The following ADD1 variants were observed in gnomAD, a reference collection of about 807,000 sequenced individuals.
ADD1 encodes the protein adducin 1.
ADD1 carries 24 observed loss-of-function variants against 80.5 expected under a neutral mutation model. That is an observed-to-expected ratio of 0.30 (90% CI 0.22 to 0.42). The LOEUF (loss-of-function observed/expected upper bound fraction) is 0.42. Ranked by LOEUF, ADD1 falls within the 10% of genes least tolerant of loss-of-function variation. The probability of loss-of-function intolerance (pLI) is 1.00; values close to 1 mark genes in which losing one functional copy is unlikely to be tolerated. For synonymous variants in ADD1, 373 were observed against 393.8 expected, an observed-to-expected ratio of 0.95 and a Z score of 0.63; for missense variants, 948 against 1,019.0, an observed-to-expected ratio of 0.93 and a Z score of 0.95.
rs938717267 is a variant in ADD1, at chr4:2,908,463, G to A, written c.1609-52G>A. 4.7e-5 allele frequency: 72 copies of A among 1,534,488 alleles called. 1 individual carries two copies. In the South Asian group the frequency reaches 7.8e-4, roughly 17 times the overall value. On this transcript the variant is annotated intron_variant, in intron 11 of 15. Transcript: ENST00000683351. ...AGTGCACAAGCAGCAGGGCTCCCAG[G>A]CAGCATGGCTGCTCAGGACTGTTGA...
At chr4:2,919,927 T>C (rs1739718806) in intron 14 of ADD1, among the ~76,000 whole-genome samples, 1 of 152,208 alleles carries the variant, frequency 6.6e-6, no homozygotes, top group African/African-American at 2.4e-5. Flanking sequence ...TTAATTATGA[T>C]GTTAGGATGT....
At chr4:2,886,098 G>A (rs1023033433) in intron 4 of ADD1, among the ~76,000 whole-genome samples, 1 of 152,086 alleles carries the variant, frequency 6.6e-6, no homozygotes, top group East Asian at 1.9e-4. Context: ...CCTGCTTTTT[G>A]TATCAAGTGT....
chr4:2,868,828 A>G (rs1233910897), intron 1 of ADD1, among the ~76,000 whole-genome samples: 8 of 152,192 alleles, frequency 5.3e-5, no homozygotes, highest in East Asian at 1.9e-4. Flanking sequence ...TCCAGGTGCC[A>G]GGCTTGGGGC....
intron 1 of ADD1, among the ~76,000 whole-genome samples, chr4:2,875,578 C>T (rs774177987): frequency 2.0e-4 from 30 of 152,198 alleles, no homozygotes; most frequent in Admixed American, 1.3e-4. Context: ...TAAAGAATCA[C>T]GTGGTCAAAA....
chr4:2,906,775 C>T (rs1229343161), intron 10 of ADD1, among the ~76,000 whole-genome samples: 1 of 152,210 alleles, frequency 6.6e-6, no homozygotes, highest in Admixed American at 6.5e-5. Flanking sequence ...AGATAACCAT[C>T]AGTGAGTACC....
At chr4:2,868,012 G>C (rs957479863) in intron 1 of ADD1, 2 of 152,266 alleles carry the variant, frequency 1.3e-5, no homozygotes, top group African/African-American at 2.4e-5. Context: ...GACATCCGGA[G>C]ACACAGGAAT....
At chr4:2,861,456 C>T (rs991121303) in intron 1 of ADD1, among the ~76,000 whole-genome samples, 42 of 152,242 alleles carry the variant, frequency 2.8e-4, no homozygotes, top group African/African-American at 9.6e-4. Context: ...TACAGAGAGA[C>T]AAGACTAGAG....
At chr4:2,852,480 C>T (rs1727439142) in intron 1 of ADD1, among the ~76,000 whole-genome samples, 1 of 150,730 alleles carries the variant, frequency 6.6e-6, no homozygotes, top group Non-Finnish European at 1.5e-5. Context: ...GTGCACAGCA[C>T]CACACCCGGC....
chr4:2,857,723 G>T (rs892547664), intron 1 of ADD1, among the ~76,000 whole-genome samples: 3 of 152,216 alleles, frequency 2.0e-5, no homozygotes, highest in Non-Finnish European at 4.4e-5. Flanking sequence ...TCAGTGTGAG[G>T]TTGGTTCCAA....
At chr4:2,884,942 T>G (rs1218257794) in intron 4 of ADD1, among the ~76,000 whole-genome samples, 1 of 152,212 alleles carries the variant, frequency 6.6e-6, no homozygotes, top group Non-Finnish European at 1.5e-5. Flanking sequence ...TAAAATTATT[T>G]TTATGCTTAA....
At position 2,881,072 on chromosome 4, in the gene ADD1, C is replaced by CTTTTTTTT. The variant is rs752868581; in HGVS notation, c.196-810_196-803dup. The stretch of plus-strand genomic sequence containing the variant: ...TACAATGAACATTTTGATGTATTTA[C>CTTTTTTTT]TTTTTTTTTTTTTTTTTTTTTTTGA... On this transcript the variant is annotated intron_variant, in intron 2 of 15. Coordinates refer to ENST00000683351, the MANE Select transcript of ADD1 (RefSeq NM_001354761.2). Among the ~76,000 whole-genome samples, 29 of 89,360 alleles carry CTTTTTTTT rather than the reference C, an allele frequency of 3.2e-4. 1 individual carries two copies. Among genetic ancestry groups the CTTTTTTTT allele is most frequent in the African/African-American group, 1.2e-3 (26 of 21,924 alleles). The allele number at this position is 89,360 out of a possible 152,430, so 58.6% of individuals were successfully genotyped here. A position where few individuals can be genotyped will look rare whatever the true frequency, so the allele number is the denominator to read the frequency against.
At chr4:2,851,957 G>C (rs1356954346) in intron 1 of ADD1, among the ~76,000 whole-genome samples, 5 of 151,504 alleles carry the variant, frequency 3.3e-5, no homozygotes, top group Non-Finnish European at 5.9e-5. Flanking sequence ...TTCTACTTCA[G>C]CCTCCCGAGT....
intron 1 of ADD1, among the ~76,000 whole-genome samples, chr4:2,872,533 T>C (rs1730613684): frequency 6.6e-6 from 1 of 152,226 alleles, no homozygotes. Context: ...TACATGATAT[T>C]GTATTGAGCA....
chr4:2,901,592 G>A (rs1237928497), intron 9 of ADD1: 2 of 152,064 alleles, frequency 1.3e-5, no homozygotes, highest in Admixed American at 1.3e-4. Context: ...TTAGCATCGG[G>A]GTTGGCATAT....
At chr4:2,905,378 T>C (rs886461793) in intron 10 of ADD1, 1 of 488,784 alleles carries the variant, frequency 2.0e-6, no homozygotes, top group Non-Finnish European at 3.6e-6. Flanking sequence ...AATTTACATG[T>C]ATTAACCTAC....
At chr4:2,913,491 G>A (rs1053210719) in intron 13 of ADD1, among the ~76,000 whole-genome samples, 7 of 152,206 alleles carry the variant, frequency 4.6e-5, no homozygotes, top group East Asian at 1.9e-4. Context: ...AATGGGCCTC[G>A]AGTCAGACCT....
chr4:2,862,388 T>C (rs1728942077), intron 1 of ADD1, among the ~76,000 whole-genome samples: 1 of 152,228 alleles, frequency 6.6e-6, no homozygotes, highest in Non-Finnish European at 1.5e-5. Flanking sequence ...AACAGGATGC[T>C]CTTTTCTTAG....
At chr4:2,896,800 C>T (rs778388324) in intron 6 of ADD1, among the ~76,000 whole-genome samples, 1 of 152,052 alleles carries the variant, frequency 6.6e-6, no homozygotes, top group Non-Finnish European at 1.5e-5. Context: ...ACCCTGTCTC[C>T]CAGGCTGGAG....
intron 4 of ADD1, among the ~76,000 whole-genome samples, chr4:2,890,161 T>G (rs1295406886): frequency 6.8e-6 from 1 of 147,100 alleles, no homozygotes; most frequent in African/African-American, 2.5e-5. Flanking sequence ...GCCACTGCAC[T>G]CCAGCCTGGG....
Sources: gnomAD v4.1 joint callset for allele counts (sites outside exome capture counted in the v4.1 genomes callset) on GRCh38, gnomAD v4.1.1 for gene constraint, MANE v1.5 for transcripts, NCBI Gene and HGNC (gene_info 2026-07-23, HGNC 2026-07-21) for gene names.